Variants in NETO1 observed in about 807,000 individuals in gnomAD.
NETO1 encodes neuropilin and tolloid like 1.
NETO1 carries 26 observed loss-of-function variants against 61.3 expected under a neutral mutation model. That is an observed-to-expected ratio of 0.42 (90% CI 0.31 to 0.59). The LOEUF is 0.59. NETO1 is among the 20% of genes least tolerant of loss of function. NETO1 has a pLI of 0.12. For missense variants in NETO1, 531 were observed against 662.8 expected (o/e 0.80, Z 2.18); for synonymous variants, 225 against 225.8 (o/e 1.00, Z 0.03).
intron 6 of NETO1, among the ~76,000 whole-genome samples, chr18:72,788,724 T>C (rs964763915): frequency 3.3e-5 from 5 of 152,094 alleles, no homozygotes; most frequent in African/African-American, 9.7e-5. Context: ...TCAAAACATA[T>C]AAATAATTTC....
In NETO1 at chr18:72,745,232, G is replaced by T. The variant is rs921665254; in HGVS notation, c.*2947C>A. ...ACCTATGTCTACTTTGCAAGATAAT[G>T]CTTAAAATTGGTATGTATATAAAAA... On this transcript the variant is annotated 3_prime_UTR_variant, in exon 11 of 11. Transcript: ENST00000327305. The T allele has an allele frequency of 6.6e-6, 1 of 152,122 alleles. No homozygotes were observed. Among genetic ancestry groups the T allele is most frequent in the Non-Finnish European group, 1.5e-5 (1 of 68,006 alleles). 9.4% of individuals were successfully genotyped at this position (152,122 alleles called of 1,614,324 possible).
intron 7 of NETO1, among the ~76,000 whole-genome samples, chr18:72,781,410 C>G (rs2071735921): frequency 1.3e-5 from 2 of 152,100 alleles, no homozygotes; most frequent in African/African-American, 4.8e-5. Context: ...GTCTCATATG[C>G]TTGTCAATAA....
chr18:72,754,287 G>A (rs1236473305), intron 8 of NETO1, among the ~76,000 whole-genome samples: 2 of 151,930 alleles, frequency 1.3e-5, no homozygotes, highest in East Asian at 1.9e-4. Context: ...AAATACATGA[G>A]ACATTTAGAA....
chr18:72,789,144 A>T (rs535106772), intron 6 of NETO1, among the ~76,000 whole-genome samples: 36 of 151,970 alleles, frequency 2.4e-4, no homozygotes, highest in African/African-American at 8.4e-4. Flanking sequence ...GACGGTATCA[A>T]TGTTCCCTTT....
chr18:72,790,350 A>C (rs2072073470), intron 6 of NETO1, among the ~76,000 whole-genome samples: 1 of 152,254 alleles, frequency 6.6e-6, no homozygotes, highest in African/African-American at 2.4e-5. Context: ...TTTTAAAAAT[A>C]TTTTAAAATT....
At chr18:72,782,663 G>A (rs1761109998) in intron 7 of NETO1, among the ~76,000 whole-genome samples, 1 of 152,218 alleles carries the variant, frequency 6.6e-6, no homozygotes, top group African/African-American at 2.4e-5. Context: ...AATTAGCTGT[G>A]CATGGTGGTG....
At chr18:72,832,816 G>T (rs546519459) in intron 4 of NETO1, among the ~76,000 whole-genome samples, 113 of 152,322 alleles carry the variant, frequency 7.4e-4, no homozygotes, top group Middle Eastern at 3.4e-3. Flanking sequence ...CACATGTATA[G>T]TAGAGCAGTG....
rs781524100 is a variant in NETO1, at chr18:72,867,299, C to G, written c.-8G>C. 1.9e-6 allele frequency: 3 copies of G among 1,566,484 alleles called. No homozygotes were observed. The highest frequency in any genetic ancestry group is 1.8e-5 in the Admixed American group (1 of 55,022). On this transcript the variant is annotated 5_prime_UTR_variant, in exon 1 of 11. Transcript: ENST00000327305. The stretch of plus-strand genomic sequence containing the variant: ...GCTGCGCCCATGGATCATGTCTGTG[C>G]GTTACACCAGAGGCTCCGGGCTCCA...
rs2073526906 is a variant in NETO1, at chr18:72,830,139, GC to G, written c.469+28686del. On this transcript the variant is annotated intron_variant, in intron 4 of 10. Transcript: ENST00000327305. The surrounding 1 kb of genome is among the most constrained non-coding windows in gnomAD (Gnocchi z 4.9). Reference sequence around the variant, plus strand: ...TGAAGGAAGTACTATAAAACCTATGGCTTTATCATCATAGAGGATCATGCAT... The same window carrying G: ...TGAAGGAAGTACTATAAAACCTATGGTTTATCATCATAGAGGATCATGCAT... 6.6e-6 allele frequency among the ~76,000 whole-genome samples: 1 copy of G among 152,132 alleles called. No individual in the cohort carries two copies. The highest frequency in any genetic ancestry group is 2.4e-5 in the African/African-American group (1 of 41,410).
intron 7 of NETO1, among the ~76,000 whole-genome samples, chr18:72,766,087 A>T (rs2071144540): frequency 6.6e-6 from 1 of 151,852 alleles, no homozygotes; most frequent in Admixed American, 6.6e-5. Context: ...CATGTCTGTA[A>T]TCCCTCTACT....
chr18:72,781,824 G>A (rs1232269239), intron 7 of NETO1, among the ~76,000 whole-genome samples: 4 of 151,950 alleles, frequency 2.6e-5, no homozygotes, highest in African/African-American at 4.8e-5. Context: ...AATACAAGGT[G>A]CTTATTTCTT....
chr18:72,863,280 C>T (rs912001379), intron 3 of NETO1, among the ~76,000 whole-genome samples: 4 of 152,172 alleles, frequency 2.6e-5, no homozygotes, highest in Admixed American at 6.5e-5. Context: ...TCTGAACTTC[C>T]GCATACGCTG....
chr18:72,826,330 C>T (rs1211591277), intron 4 of NETO1, among the ~76,000 whole-genome samples: 1 of 152,058 alleles, frequency 6.6e-6, no homozygotes, highest in Non-Finnish European at 1.5e-5. Context: ...TAACACTTAT[C>T]TTTTCATATT....
At chr18:72,848,164 T>C (rs1599147468) in intron 4 of NETO1, among the ~76,000 whole-genome samples, 1 of 152,146 alleles carries the variant, frequency 6.6e-6, no homozygotes, top group African/African-American at 2.4e-5. Context: ...ATGGCGACAT[T>C]AATTTCCTTT....
At chr18:72,824,463 A>G (rs191681521) in intron 4 of NETO1, among the ~76,000 whole-genome samples, 3 of 152,360 alleles carry the variant, frequency 2.0e-5, no homozygotes, top group East Asian at 3.9e-4. Flanking sequence ...AACAACAGAA[A>G]GTGTTCTGGG....
intron 7 of NETO1, among the ~76,000 whole-genome samples, chr18:72,758,424 G>A (rs1279553196): frequency 6.7e-6 from 1 of 148,200 alleles, no homozygotes; most frequent in African/African-American, 2.5e-5. Context: ...GGAGGGGGGT[G>A]GGGGTGTTTG....
At chr18:72,836,075 A>G (rs2073738347) in intron 4 of NETO1, among the ~76,000 whole-genome samples, 1 of 152,158 alleles carries the variant, frequency 6.6e-6, no homozygotes, top group Non-Finnish European at 1.5e-5. Context: ...TAAAAGACAG[A>G]ATTTCTCAAG....
At chr18:72,786,444 T>A (rs1393415274) in intron 6 of NETO1, among the ~76,000 whole-genome samples, 1 of 152,226 alleles carries the variant, frequency 6.6e-6, no homozygotes, top group Non-Finnish European at 1.5e-5. Context: ...AGTTGTAGTA[T>A]GCTTTGCAAG....
intron 4 of NETO1, among the ~76,000 whole-genome samples, chr18:72,840,187 G>A (rs1024554942): frequency 6.6e-6 from 1 of 152,212 alleles, no homozygotes; most frequent in South Asian, 2.1e-4. Flanking sequence ...GGTTGACAGG[G>A]ACATTCTCCA....
Sources: gnomAD v4.1 joint callset for allele counts (sites outside exome capture counted in the v4.1 genomes callset) on GRCh38, gnomAD v4.1.1 for gene constraint, Gnocchi (gnomAD v3.1) non-coding constraint, MANE v1.5 for transcripts, NCBI Gene and HGNC (gene_info 2026-07-23, HGNC 2026-07-21) for gene names.